ALG8: variants seen among roughly 807,000 people sequenced by gnomAD.
ALG8 encodes the protein ALG8 alpha-1,3-glucosyltransferase.
ALG8 carries 48 observed loss-of-function variants against 70.2 expected under a neutral mutation model. That is an observed-to-expected ratio of 0.68 (90% confidence interval 0.54 to 0.87). The LOEUF is 0.87. Ranked by LOEUF, ALG8 falls within the 40% of genes least tolerant of loss-of-function variation. The pLI is 0.00. For synonymous variants in ALG8, 234 were observed against 229.0 expected, an observed-to-expected ratio of 1.02 and a Z score of -0.20; for missense variants, 572 against 608.7, an observed-to-expected ratio of 0.94 and a Z score of 0.64.
chr11:78,108,862 A>G (rs763002860), intron 9 of ALG8, among the ~76,000 whole-genome samples: 3 of 152,222 alleles, frequency 2.0e-5, no homozygotes, highest in Non-Finnish European at 2.9e-5. Flanking sequence ...TTTATATTGA[A>G]TTCTACTAAA....
chr11:78,132,320 A>C (rs956976664), intron 1 of ALG8, among the ~76,000 whole-genome samples: 1 of 152,066 alleles, frequency 6.6e-6, no homozygotes, highest in African/African-American at 2.4e-5. Flanking sequence ...TCTATCTCTA[A>C]TGCCACCACT....
intron 9 of ALG8, 34 bp from the exon 10 acceptor site, chr11:78,106,980 C>A (rs1860062983): frequency 6.2e-7 from 1 of 1,612,234 alleles, no homozygotes; most frequent in South Asian, 1.1e-5. Flanking sequence ...ACTTCAGTAT[C>A]ATTTGAAACA....
At chr11:78,122,079 T>C (rs1000540941) in intron 3 of ALG8, among the ~76,000 whole-genome samples, 4 of 152,156 alleles carry the variant, frequency 2.6e-5, no homozygotes, top group African/African-American at 9.7e-5. Context: ...TTTCCAAAGT[T>C]TTTACAATGG....
At chr11:78,132,064 C>T (rs527918826) in intron 1 of ALG8, among the ~76,000 whole-genome samples, 6 of 152,176 alleles carry the variant, frequency 3.9e-5, no homozygotes, top group Non-Finnish European at 7.3e-5. Flanking sequence ...TCTACATTCA[C>T]CTTTTCCCTC....
Position 78,106,919 on chromosome 11 carries a change from G to T in ALG8, c.1066C>A (p.Pro356Thr), listed in dbSNP as rs1245991780. ...LPSIFCLWFK[P>T]QGPRGFLRCL... ...CGGAGAAAGCCTCTGGGCCCTTGGG[G>T]TTTAAACCAAAGACAGAAAATAGAG... is the stretch of plus-strand genomic sequence containing the variant. Residue 356 changes from proline (P) to threonine (T), a missense_variant, in exon 10 of 13, where the codon CCC becomes ACC. Physicochemically the swap from Pro to Thr is conservative, Grantham distance 38. Transcript: ENST00000299626. The T allele has an allele frequency of 6.2e-7, 1 of 1,613,938 alleles. No individual in the cohort carries two copies. The highest frequency in any genetic ancestry group is 1.7e-5 in the Admixed American group (1 of 60,004).
intron 5 of ALG8, among the ~76,000 whole-genome samples, chr11:78,116,546 C>T (rs971204703): frequency 6.6e-6 from 1 of 151,840 alleles, no homozygotes; most frequent in African/African-American, 2.4e-5. Flanking sequence ...GGCGAAACCC[C>T]GTCTCTAGTA....
chr11:78,113,957 C>CA lies in ALG8; in HGVS notation c.705dup (p.Val236CysfsTer72). On this transcript the variant is annotated frameshift_variant, in exon 7 of 13. Coordinates refer to ENST00000299626, the MANE Select transcript of ALG8 (RefSeq NM_024079.5). LOFTEE classifies it high-confidence loss of function. ...ACCAGTCCCAGGGAAATAACACGAA[C>CA]AAAGCTGAAACTCTTCCATCGAATA... The CA allele has an allele frequency of 6.2e-7, 1 of 1,602,974 alleles. No individual in the cohort carries two copies. The highest frequency in any genetic ancestry group is 8.5e-7 in the Non-Finnish European group (1 of 1,175,612).
intron 3 of ALG8, among the ~76,000 whole-genome samples, chr11:78,123,471 A>G (rs1445073633): frequency 6.6e-6 from 1 of 152,186 alleles, no homozygotes; most frequent in Non-Finnish European, 1.5e-5. Context: ...GTAAAACATA[A>G]AAATTTAAAA....
At chr11:78,121,548 C>T (rs564742) in intron 3 of ALG8, among the ~76,000 whole-genome samples, 1 of 145,316 alleles carries the variant, frequency 6.9e-6, no homozygotes, top group African/African-American at 2.6e-5. Context: ...GTAAGACCTT[C>T]TCACTAGAAA....
chr11:78,136,091 G>C (rs1415296432), intron 1 of ALG8, among the ~76,000 whole-genome samples: 1 of 151,912 alleles, frequency 6.6e-6, no homozygotes, highest in Non-Finnish European at 1.5e-5. Flanking sequence ...GATTGTTTGA[G>C]CCCAGGAAGT....
intron 1 of ALG8, among the ~76,000 whole-genome samples, chr11:78,136,605 T>C (rs113826976): frequency 0.019 from 2,863 of 152,270 alleles, 99 homozygotes; most frequent in African/African-American, 0.065. Context: ...ATGCTGTAAA[T>C]AGATGTGCTG....
chr11:78,110,173 T>C (rs1860219767), intron 8 of ALG8, among the ~76,000 whole-genome samples: 1 of 152,022 alleles, frequency 6.6e-6, no homozygotes, highest in Admixed American at 6.6e-5. Flanking sequence ...CTGATTTTCT[T>C]GTGAGCTCAC....
intron 4 of ALG8, among the ~76,000 whole-genome samples, chr11:78,120,476 C>T (rs1860771150): frequency 1.3e-5 from 2 of 150,418 alleles, no homozygotes; most frequent in Non-Finnish European, 2.9e-5. Context: ...CAGAGACATT[C>T]ATCTACTCAT....
chr11:78,124,519 T>C (rs954957751), intron 2 of ALG8, among the ~76,000 whole-genome samples: 4 of 152,192 alleles, frequency 2.6e-5, no homozygotes, highest in African/African-American at 9.7e-5. Context: ...ATAGAACAAT[T>C]CCTATGTAAG....
intron 4 of ALG8, among the ~76,000 whole-genome samples, chr11:78,119,892 AG>A (rs1341755592): frequency 6.6e-6 from 1 of 152,136 alleles, no homozygotes; most frequent in Non-Finnish European, 1.5e-5. Context: ...ACTTGGGACC[AG>A]GCGTTCAAGA....
chr11:78,117,853 T>G (rs1002807518), intron 5 of ALG8, among the ~76,000 whole-genome samples: 1 of 150,992 alleles, frequency 6.6e-6, no homozygotes, highest in Non-Finnish European at 1.5e-5. Context: ...GGTGGGCAGA[T>G]CACGAGGTCA....
At chr11:78,115,054 G>A (rs1310220290) in intron 5 of ALG8, among the ~76,000 whole-genome samples, 2 of 152,062 alleles carry the variant, frequency 1.3e-5, no homozygotes, top group Middle Eastern at 3.2e-3. Flanking sequence ...TATTTGAGAT[G>A]GAGTCTCCCT....
At chr11:78,108,880 C>T (rs922832847) in intron 9 of ALG8, among the ~76,000 whole-genome samples, 19 of 152,036 alleles carry the variant, frequency 1.2e-4, no homozygotes, top group South Asian at 6.2e-4. Flanking sequence ...AAAATTATAC[C>T]ATGAAATTGA....
chr11:78,128,406 C>G (rs1008436407), intron 1 of ALG8, among the ~76,000 whole-genome samples: 1 of 152,168 alleles, frequency 6.6e-6, no homozygotes, highest in South Asian at 2.1e-4. Context: ...TTTACACAAC[C>G]TTTCCACAAT....
Sources: gnomAD v4.1 joint callset for allele counts (sites outside exome capture counted in the v4.1 genomes callset) on GRCh38, gnomAD v4.1.1 for gene constraint, MANE v1.5 for transcripts, NCBI Gene and HGNC (gene_info 2026-07-23, HGNC 2026-07-21) for gene names.